The following SECTM1 variants were observed in gnomAD, a reference collection of about 807,000 sequenced individuals.
SECTM1 encodes the protein secreted and transmembrane 1, also known as secreted and transmembrane protein 1.
In SECTM1, 10 loss-of-function variants were observed where a neutral mutation model predicts 18.1. That is an observed-to-expected ratio of 0.55 (90% CI 0.34 to 0.94). SECTM1 has a LOEUF of 0.94. Among genes scored for constraint, SECTM1 ranks in the 40% least tolerant of loss-of-function variants. The pLI, the probability that SECTM1 is intolerant of heterozygous loss-of-function variation, is 0.02. For synonymous variants in SECTM1, 137 were observed against 139.2 expected, an observed-to-expected ratio of 0.98 and a Z score of 0.11; for missense variants, 297 against 322.6, an observed-to-expected ratio of 0.92 and a Z score of 0.61.
At chr17:82,324,514 C>CA in intron 3 of SECTM1, 68 bp downstream of exon 3, 9 of 760,256 alleles carry the variant, frequency 1.2e-5, no homozygotes, top group South Asian at 2.2e-5. Context: ...TCCCCCTGCC[C>CA]AGGCCCCCTC....
At chr17:82,324,432 G>A (rs2052126506) in intron 3 of SECTM1, 150 bp downstream of exon 3, 8 of 839,200 alleles carry the variant, frequency 9.5e-6, no homozygotes, top group Admixed American at 8.0e-5. Flanking sequence ...CTCTCTACCC[G>A]CCAACCCTGT....
intron 1 of SECTM1, among the ~76,000 whole-genome samples, chr17:82,332,645 C>T (rs1373093559): frequency 1.3e-5 from 2 of 152,218 alleles, no homozygotes; most frequent in Non-Finnish European, 2.9e-5. Context: ...CCCACCCAGG[C>T]CCACGGTGTG....
At position 82,330,873 on chromosome 17, in the gene SECTM1, C is replaced by T. The variant is rs988052049; in HGVS notation, c.-53+2827G>A. 2.0e-5 allele frequency among the ~76,000 whole-genome samples: 3 copies of T among 152,178 alleles called. No homozygotes were observed. The highest frequency in any genetic ancestry group is 7.2e-5 in the African/African-American group (3 of 41,448). ...TCCGTCTTTCTGGCCTCATCCTCTC[C>T]ATGGTCTCAGCCCCTGGCGGCCTGG... On this transcript the variant is annotated intron_variant, in intron 1 of 4. Coordinates refer to ENST00000269389, the MANE Select transcript of SECTM1 (RefSeq NM_003004.3). This position sits in a 1 kb window ranked among gnomAD's most constrained non-coding sequence, Gnocchi z 6.1.
At position 82,325,981 on chromosome 17, in the gene SECTM1, G is replaced by A. The variant is rs867833603; in HGVS notation, c.95-1091C>T. ...GAGGAGGTGGGCTTCAGGGGCACCT[G>A]GCCTTCGGGCTGGACTGAGTTTCCT... On this transcript the variant is annotated intron_variant, in intron 2 of 4. Coordinates refer to ENST00000269389, the MANE Select transcript of SECTM1 (RefSeq NM_003004.3). The surrounding 1 kb of genome is among the most constrained non-coding windows in gnomAD (Gnocchi z 7.6). Among the ~76,000 whole-genome samples the A allele has an allele frequency of 4.6e-5, 7 of 152,382 alleles. No homozygotes were observed. The highest frequency in any genetic ancestry group is 1.4e-4 in the African/African-American group (6 of 41,596).
intron 3 of SECTM1, among the ~76,000 whole-genome samples, chr17:82,323,744 T>G (rs1241177530): frequency 6.6e-6 from 1 of 150,750 alleles, no homozygotes; most frequent in Admixed American, 6.6e-5. Context: ...GGGCCCTGAG[T>G]CGGGGGAGAA....
chr17:82,323,037 C>A, intron 3 of SECTM1, 26 bp from the exon 4 acceptor site: 1 of 1,598,140 alleles, frequency 6.3e-7, no homozygotes, highest in Admixed American at 1.7e-5. Context: ...CAGGGGTGTA[C>A]AGGTGGGCTG....
At chr17:82,323,295 C>G (rs780895673) in intron 3 of SECTM1, 1 of 417,454 alleles carries the variant, frequency 2.4e-6, no homozygotes, top group Non-Finnish European at 4.4e-6. Context: ...CGCGCTGGCC[C>G]GGTCCTTCAG....
Position 82,322,140 on chromosome 17 carries a change from T to C in SECTM1, c.*21A>G. Reference sequence around the variant, plus strand: ...GGCACTCAGGGCTGGCTCTCCTGTGTCCTCTCTGCCTTGCAGGCGGCTATG... The same window carrying C: ...GGCACTCAGGGCTGGCTCTCCTGTGCCCTCTCTGCCTTGCAGGCGGCTATG... On this transcript the variant is annotated 3_prime_UTR_variant, in exon 5 of 5. Transcript: ENST00000269389. 6.2e-7 allele frequency: 1 copy of C among 1,612,854 alleles called. No homozygotes were observed. Among genetic ancestry groups the C allele is most frequent in the Non-Finnish European group, 8.5e-7 (1 of 1,179,240 alleles).
At position 82,329,972 on chromosome 17, in the gene SECTM1, T is replaced by C. The variant is rs966071012; in HGVS notation, c.-52-2680A>G. On this transcript the variant is annotated intron_variant, in intron 1 of 4. Transcript: ENST00000269389. This position sits in a 1 kb window ranked among gnomAD's most constrained non-coding sequence, Gnocchi z 7.6. Reference sequence around the variant, plus strand: ...ATAGTCTCTTTGCCATGTCAGGTTCTGGGATGAGGACGTGACATCTTTGGG... The same window carrying C: ...ATAGTCTCTTTGCCATGTCAGGTTCCGGGATGAGGACGTGACATCTTTGGG... Among the ~76,000 whole-genome samples, 1 of 152,186 alleles carries C rather than the reference T, an allele frequency of 6.6e-6. No individual in the cohort carries two copies. Among genetic ancestry groups the C allele is most frequent in the Non-Finnish European group, 1.5e-5 (1 of 68,026 alleles).
intron 1 of SECTM1, among the ~76,000 whole-genome samples, chr17:82,333,042 G>T (rs948424566): frequency 6.6e-6 from 1 of 151,654 alleles, no homozygotes; most frequent in Non-Finnish European, 1.5e-5. Flanking sequence ...CGTGAGAACG[G>T]GCAGCTGAGG....
At chr17:82,333,783 G>A (rs1271934876), upstream of SECTM1, 1 of 152,558 alleles carries the variant, frequency 6.6e-6, no homozygotes, top group Non-Finnish European at 1.5e-5. Flanking sequence ...ACGAGAGGGA[G>A]GGGCCAGGGA....
chr17:82,324,897 G>C lies in SECTM1; in HGVS notation c.95-7C>G. 1 of 1,604,994 alleles carries C rather than the reference G, an allele frequency of 6.2e-7. No individual in the cohort carries two copies. The highest frequency in any genetic ancestry group is 8.5e-7 in the Non-Finnish European group (1 of 1,174,416). ...CAGATGGGGCTGTCCCAGCCTGTAG[G>C]GCCAGACAGAGGCACACACGGATCA... On this transcript the variant is annotated splice_region_variant and splice_polypyrimidine_tract_variant and intron_variant, in intron 2 of 4. Coordinates refer to ENST00000269389, the MANE Select transcript of SECTM1 (RefSeq NM_003004.3).
At position 82,326,239 on chromosome 17, in the gene SECTM1, C is replaced by T. The variant is rs936097021; in HGVS notation, c.94+908G>A. Among the ~76,000 whole-genome samples, 11 of 152,134 alleles carry T rather than the reference C, an allele frequency of 7.2e-5. No homozygotes were observed. Among genetic ancestry groups the T allele is most frequent in the African/African-American group, 2.4e-4 (10 of 41,418 alleles). The stretch of plus-strand genomic sequence containing the variant: ...TTTCAGTTTTGTTTTGTTTTTTGTT[C>T]GTTCTTAGGATTCTGACTGAACTGC... On this transcript the variant is annotated intron_variant, in intron 2 of 4. Transcript: ENST00000269389. This position sits in a 1 kb window ranked among gnomAD's most constrained non-coding sequence, Gnocchi z 4.3.
At chr17:82,323,292 GC>G in intron 3 of SECTM1, 1 of 430,358 alleles carries the variant, frequency 2.3e-6, no homozygotes, top group South Asian at 2.8e-5. Flanking sequence ...CTGCGCGCTG[GC>G]CCGGTCCTTC....
At position 82,322,213 on chromosome 17, in the gene SECTM1, G is replaced by T. The variant is rs764930002; in HGVS notation, c.695C>A (p.Ala232Asp). The T allele has an allele frequency of 1.9e-6, 3 of 1,613,018 alleles. No homozygotes were observed. The highest frequency in any genetic ancestry group is 2.5e-6 in the Non-Finnish European group (3 of 1,179,472). Residue 232 changes from alanine (A) to aspartate (D), a missense_variant, in exon 5 of 5, where the codon GCC (alanine) becomes GAC (aspartate). Transcript: ENST00000269389. Reference protein sequence around the residue: ...ALVFKPSPLGALELLSPQPLF... With the variant: ...ALVFKPSPLGDLELLSPQPLF... ...GGGTTGGGGGGACAGCAGCTCCAGGGCTCCAAGTGGTGAGGGTTTGAACAC... is the reference window on the plus strand; with the variant it reads ...GGGTTGGGGGGACAGCAGCTCCAGGTCTCCAAGTGGTGAGGGTTTGAACAC...
upstream of SECTM1, chr17:82,333,885 CACA>C (rs1466088503): frequency 3.3e-5 from 5 of 152,314 alleles, no homozygotes; most frequent in Admixed American, 6.5e-5. Flanking sequence ...CACCCGCGTT[CACA>C]ACAAGCGTGA....
chr17:82,332,700 C>A (rs749254617), intron 1 of SECTM1, among the ~76,000 whole-genome samples: 2 of 152,204 alleles, frequency 1.3e-5, no homozygotes, highest in Non-Finnish European at 2.9e-5. Flanking sequence ...CAGAGGGGAC[C>A]CCAGGTGAGC....
intron 3 of SECTM1, 66 bp downstream of exon 3, chr17:82,324,516 G>GC: frequency 1.0e-5 from 2 of 200,976 alleles, no homozygotes; most frequent in Admixed American, 6.5e-5. Context: ...CCCCTGCCCA[G>GC]GCCCCCTCCC....
Position 82,321,522 on chromosome 17 carries a change from C to CTGAG in SECTM1, c.*635_*638dup, listed in dbSNP as rs1414582396. On this transcript the variant is annotated 3_prime_UTR_variant, in exon 5 of 5. Transcript: ENST00000269389. Reference sequence around the variant, plus strand: ...GAGCGACCCCCGGGTGGCCGAGGGACTGAGGGATGCGCGTCCAGCCCCGGA... The same window carrying CTGAG: ...GAGCGACCCCCGGGTGGCCGAGGGACTGAGTGAGGGATGCGCGTCCAGCCCCGGA... 3 of 153,100 alleles carry CTGAG rather than the reference C, an allele frequency of 2.0e-5. No individual in the cohort carries two copies. Among genetic ancestry groups the CTGAG allele is most frequent in the Non-Finnish European group, 4.4e-5 (3 of 68,334 alleles). The allele number at this position is 153,100 out of a possible 1,614,324, so 9.5% of individuals were successfully genotyped here.
Sources: allele counts gnomAD v4.1 joint callset (sites outside exome capture counted in the v4.1 genomes callset), GRCh38; gene constraint gnomAD v4.1.1; non-coding constraint Gnocchi (gnomAD v3.1); transcripts MANE v1.5; gene names NCBI Gene and HGNC (gene_info 2026-07-23, HGNC 2026-07-21).